The following TMEM43 variants were observed in gnomAD, a reference collection of about 807,000 sequenced individuals.
TMEM43 encodes the protein transmembrane protein 43, also known as arrhythmogenic right ventricular dysplasia 5.
A neutral mutation model predicts 49.6 loss-of-function variants in TMEM43; 45 were observed. The observed-to-expected ratio is 0.91, with a 90% CI of 0.71 to 1.16. The LOEUF is 1.16. TMEM43 is among the 50% of genes most tolerant of loss of function. The pLI, the probability that TMEM43 is intolerant of heterozygous loss-of-function variation, is 0.00. For missense variants in TMEM43, 532 were observed against 516.6 expected (o/e 1.03, Z -0.29); for synonymous variants, 199 against 207.8 (o/e 0.96, Z 0.36).
chr3:14,141,486 C>G, intron 11 of TMEM43, 107 bp from the exon 12 acceptor site: 1 of 1,079,544 alleles, frequency 9.3e-7, no homozygotes, highest in South Asian at 1.3e-5. Context: ...CTCCCCTCCT[C>G]ATGCATGTAG....
chr3:14,125,994 C>T (rs559660016), intron 1 of TMEM43, among the ~76,000 whole-genome samples: 5 of 152,250 alleles, frequency 3.3e-5, no homozygotes, highest in Admixed American at 6.5e-5. Context: ...CTTCTAGGGC[C>T]CGCTTAGGAG....
chr3:14,141,919 T>G lies in TMEM43; in HGVS notation c.*124T>G. The G allele has an allele frequency of 1.0e-5, 9 of 902,694 alleles. No homozygotes were observed. Among genetic ancestry groups the G allele is most frequent in the Non-Finnish European group, 1.5e-5 (9 of 600,794 alleles). 55.9% of individuals were successfully genotyped at this position (902,694 alleles called of 1,614,324 possible). On this transcript the variant is annotated 3_prime_UTR_variant, in exon 12 of 12. Coordinates refer to ENST00000306077, the MANE Select transcript of TMEM43 (RefSeq NM_024334.3). ...ATTTTGGACTCTGCACTCCCTCTCC[T>G]CTTCAGGGGCCAGACTTGGCAGCAT...
At chr3:14,132,140 G>T (rs1200246957) in intron 4 of TMEM43, among the ~76,000 whole-genome samples, 1 of 152,210 alleles carries the variant, frequency 6.6e-6, no homozygotes, top group Non-Finnish European at 1.5e-5. Context: ...GGTGGGTTCA[G>T]CCCCACCTGA....
chr3:14,131,548 T>A, intron 3 of TMEM43, 32 bp from the exon 4 acceptor site: 1 of 1,593,590 alleles, frequency 6.3e-7, no homozygotes, highest in Non-Finnish European at 8.6e-7. Flanking sequence ...TGTTATCCTT[T>A]ATTTTTTTGG....
At chr3:14,135,272 T>C (rs778246199) in intron 9 of TMEM43, 40 bp downstream of exon 9, 1 of 1,550,972 alleles carries the variant, frequency 6.4e-7, no homozygotes, top group Admixed American at 1.7e-5. Context: ...AGTCAGAGCC[T>C]CACGACTTTC....
rs1201849577 is a variant in TMEM43, at chr3:14,142,642, G to A, written c.*847G>A. 1 of 152,668 alleles carries A rather than the reference G, an allele frequency of 6.6e-6. No individual in the cohort carries two copies. The highest frequency in any genetic ancestry group is 1.5e-5 in the Non-Finnish European group (1 of 68,036). 9.5% of individuals were successfully genotyped at this position (152,668 alleles called of 1,614,324 possible). A position where few individuals can be genotyped will look rare whatever the true frequency, so the allele number is the denominator to read the frequency against. On this transcript the variant is annotated 3_prime_UTR_variant, in exon 12 of 12. Coordinates refer to ENST00000306077, the MANE Select transcript of TMEM43 (RefSeq NM_024334.3). Reference sequence around the variant, plus strand: ...GTCAGTTGAATTCAGAGCACTGAAAGGTGTTAAATTGGGGTATGTGGTTTG... The same window carrying A: ...GTCAGTTGAATTCAGAGCACTGAAAAGTGTTAAATTGGGGTATGTGGTTTG...
chr3:14,131,601 G>A lies in TMEM43; in HGVS notation c.319G>A (p.Gly107Arg). 6.2e-7 allele frequency: 1 copy of A among 1,614,110 alleles called. No individual in the cohort carries two copies. Among genetic ancestry groups the A allele is most frequent in the Non-Finnish European group, 8.5e-7 (1 of 1,180,018 alleles). Residue 107 changes from glycine to arginine, a missense_variant, in exon 4 of 12, where the codon GGG becomes AGG. Coordinates refer to ENST00000306077, the MANE Select transcript of TMEM43 (RefSeq NM_024334.3). ...GAAGCTTTTGTCTGATCCAAACTAT[G>A]GGGTCCATCTTCCGGCTGTGAAACT... ...TSKLLSDPNY[G>R]VHLPAVKLRR...
Position 14,142,110 on chromosome 3 carries a change from G to A in TMEM43, c.*315G>A. The A allele has an allele frequency of 1.2e-5, 5 of 420,808 alleles. No homozygotes were observed. Among genetic ancestry groups the A allele is most frequent in the East Asian group, 9.7e-5 (2 of 20,642 alleles). The allele number at this position is 420,808 out of a possible 1,614,324, so 26.1% of individuals were successfully genotyped here. On this transcript the variant is annotated 3_prime_UTR_variant, in exon 12 of 12. Transcript: ENST00000306077. ...GGTACGGCCAGCCACTCAGCCCATT[G>A]GCAGCTGACAACGCAGACACGCTCT...
At chr3:14,128,965 T>A (rs1465042370) in intron 1 of TMEM43, 1 of 456,590 alleles carries the variant, frequency 2.2e-6, no homozygotes, top group Non-Finnish European at 4.4e-6. Context: ...AAATTCCTGA[T>A]AAACACCACA....
At chr3:14,135,657 A>G (rs1202157343) in intron 9 of TMEM43, 150 bp from the exon 10 acceptor site, 1 of 632,404 alleles carries the variant, frequency 1.6e-6, no homozygotes, top group African/African-American at 1.8e-5. Context: ...AGGTGGATGC[A>G]TCCCAGATGG....
intron 11 of TMEM43, among the ~76,000 whole-genome samples, chr3:14,140,578 T>C (rs986508318): frequency 2.0e-5 from 3 of 152,164 alleles, no homozygotes; most frequent in Non-Finnish European, 4.4e-5. Flanking sequence ...TCTGGGCCCA[T>C]ACGGTCTTGA....
At position 14,142,087 on chromosome 3, in the gene TMEM43, T is replaced by A; in HGVS notation, c.*292T>A. The A allele has an allele frequency of 2.2e-6, 1 of 463,648 alleles. No homozygotes were observed. 28.7% of individuals were successfully genotyped at this position (463,648 alleles called of 1,614,324 possible). A position where few individuals can be genotyped will look rare whatever the true frequency, so the allele number is the denominator to read the frequency against. On this transcript the variant is annotated 3_prime_UTR_variant, in exon 12 of 12. Coordinates refer to ENST00000306077, the MANE Select transcript of TMEM43 (RefSeq NM_024334.3). The stretch of plus-strand genomic sequence containing the variant: ...TCCTTCCTCTCTTGGACTGAGTGGG[T>A]ACGGCCAGCCACTCAGCCCATTGGC...
intron 1 of TMEM43, 79 bp downstream of exon 1, chr3:14,125,284 C>A (rs975636714): frequency 6.6e-7 from 1 of 1,522,822 alleles, no homozygotes; most frequent in Non-Finnish European, 8.9e-7. Context: ...CCTCTAGGTC[C>A]ATTTCGCCGC....
intron 10 of TMEM43, among the ~76,000 whole-genome samples, chr3:14,136,650 C>G (rs1275331229): frequency 6.6e-6 from 1 of 151,864 alleles, no homozygotes; most frequent in Non-Finnish European, 1.5e-5. Context: ...GGTTCACCTT[C>G]TAAGGGGGCA....
At chr3:14,136,641 G>C (rs1202896082) in intron 10 of TMEM43, among the ~76,000 whole-genome samples, 1 of 151,900 alleles carries the variant, frequency 6.6e-6, no homozygotes, top group Non-Finnish European at 1.5e-5. Flanking sequence ...GCACGAAAGG[G>C]TTCACCTTCT....
chr3:14,128,820 T>C (rs1438352683), intron 1 of TMEM43: 4 of 388,060 alleles, frequency 1.0e-5, no homozygotes, highest in South Asian at 7.7e-5. Context: ...TAAAGGTTCA[T>C]GTATGAATAT....
chr3:14,129,677 AAGG>A, intron 2 of TMEM43, 116 bp downstream of exon 2: 1 of 1,139,540 alleles, frequency 8.8e-7, no homozygotes, highest in South Asian at 1.3e-5. Context: ...TAAAAAGAGA[AAGG>A]AGGATACTGA....
intron 10 of TMEM43, among the ~76,000 whole-genome samples, chr3:14,138,403 G>A (rs941361693): frequency 3.3e-5 from 5 of 152,202 alleles, no homozygotes; most frequent in African/African-American, 9.7e-5. Flanking sequence ...CGGGCAGACA[G>A]TGGTAAGAGA....
intron 1 of TMEM43, chr3:14,129,181 C>T (rs1695058950): frequency 2.3e-6 from 1 of 438,638 alleles, no homozygotes; most frequent in South Asian, 2.1e-5. Context: ...CACAAAGAAA[C>T]TTTTTGGGGT....
Sources: allele counts gnomAD v4.1 joint callset (sites outside exome capture counted in the v4.1 genomes callset), GRCh38; gene constraint gnomAD v4.1.1; transcripts MANE v1.5; gene names NCBI Gene and HGNC (gene_info 2026-07-23, HGNC 2026-07-21).